The following MGME1 variants were observed in gnomAD, a reference collection of about 807,000 sequenced individuals.
MGME1 encodes the protein mitochondrial genome maintenance exonuclease 1.
In MGME1, 22 loss-of-function variants were observed where a neutral mutation model predicts 33.0. That is an observed-to-expected ratio of 0.67 (90% CI 0.48 to 0.95). MGME1 has a LOEUF of 0.95. Ranked by LOEUF, MGME1 falls within the 40% of genes least tolerant of loss-of-function variation. The pLI, the probability that MGME1 is intolerant of heterozygous loss-of-function variation, is 0.00. For synonymous variants in MGME1, 133 were observed against 144.0 expected (o/e 0.92, Z 0.55); for missense variants, 383 against 397.8 (o/e 0.96, Z 0.32).
At chr20:17,975,933 C>A in intron 3 of MGME1, 30 bp downstream of exon 3, 3 of 1,519,668 alleles carry the variant, frequency 2.0e-6, no homozygotes, top group Non-Finnish European at 2.7e-6. Flanking sequence ...TGAATTAATA[C>A]AGCGTAGGAC....
chr20:17,971,024 C>A (rs755167268), intron 2 of MGME1, among the ~76,000 whole-genome samples: 8 of 152,208 alleles, frequency 5.3e-5, no homozygotes, highest in Non-Finnish European at 1.0e-4. Context: ...ATATAGGGGT[C>A]TTTTGTTAAA....
At chr20:17,977,991 T>C (rs368976209) in intron 3 of MGME1, among the ~76,000 whole-genome samples, 1 of 152,236 alleles carries the variant, frequency 6.6e-6, no homozygotes, top group African/African-American at 2.4e-5. Flanking sequence ...AGTTAAAATT[T>C]AAGTTTAAAA....
At chr20:17,978,144 C>T (rs2035914645) in intron 3 of MGME1, among the ~76,000 whole-genome samples, 1 of 152,080 alleles carries the variant, frequency 6.6e-6, no homozygotes, top group African/African-American at 2.4e-5. Context: ...GGCCAGGAAG[C>T]CGAAAGAGTG....
chr20:17,989,887 A>G lies in MGME1; in HGVS notation c.865-52A>G, dbSNP rs188368331. On this transcript the variant is annotated intron_variant, in intron 4 of 4. Transcript: ENST00000377710. ...CCTGGAGTAAGAAGGAAACGAACCTAAACTCTGGACCTACTGTAGTGAAAC... is the reference window on the plus strand; with the variant it reads ...CCTGGAGTAAGAAGGAAACGAACCTGAACTCTGGACCTACTGTAGTGAAAC... The G allele has an allele frequency of 3.2e-6, 5 of 1,561,044 alleles. No homozygotes were observed. In the East Asian group the frequency reaches 1.1e-4, roughly 35 times the overall value.
At chr20:17,977,878 G>A (rs1163716756) in intron 3 of MGME1, among the ~76,000 whole-genome samples, 1 of 152,116 alleles carries the variant, frequency 6.6e-6, no homozygotes, top group African/African-American at 2.4e-5. Context: ...GAACGCCTCT[G>A]ATACAAAGGT....
chr20:17,971,544 A>T (rs6136239), intron 2 of MGME1, among the ~76,000 whole-genome samples: 40,194 of 152,170 alleles, frequency 0.26, 5,763 homozygotes, highest in East Asian at 0.43. Context: ...AATTACTAAT[A>T]AGAAATGTAT....
intron 4 of MGME1, 147 bp downstream of exon 4, chr20:17,988,445 C>G (rs2036209006): frequency 2.7e-6 from 2 of 751,392 alleles, no homozygotes; most frequent in East Asian, 5.8e-5. Context: ...AGTTCAAGAC[C>G]AGCCTGGCCA....
At position 17,990,228 on chromosome 20, in the gene MGME1, T is replaced by A; in HGVS notation, c.*119T>A. ...GATCTGAGTGCTACACGAACACAAG[T>A]AGAAGTATTAATTTGTTGAAATGTG... On this transcript the variant is annotated 3_prime_UTR_variant, in exon 5 of 5. Coordinates refer to ENST00000377710, the MANE Select transcript of MGME1 (RefSeq NM_052865.4). The A allele has an allele frequency of 1.2e-6, 1 of 836,416 alleles. No individual in the cohort carries two copies. Among genetic ancestry groups the A allele is most frequent in the Non-Finnish European group, 2.0e-6 (1 of 507,036 alleles). 51.8% of individuals were successfully genotyped at this position (836,416 alleles called of 1,614,324 possible).
intron 3 of MGME1, among the ~76,000 whole-genome samples, chr20:17,983,267 T>TG (rs1555791108): frequency 2.1e-5 from 3 of 142,578 alleles, no homozygotes; most frequent in African/African-American, 5.2e-5. Flanking sequence ...TAGTGTTCTA[T>TG]TGTGTGTGTG....
intron 2 of MGME1, among the ~76,000 whole-genome samples, chr20:17,973,686 C>A (rs1046838703): frequency 1.3e-5 from 2 of 151,490 alleles, no homozygotes; most frequent in African/African-American, 4.8e-5. Flanking sequence ...TCCGCCTTTT[C>A]TGTGGGTCTC....
intron 2 of MGME1, among the ~76,000 whole-genome samples, chr20:17,972,016 T>C (rs2035741382): frequency 6.6e-6 from 1 of 152,118 alleles, no homozygotes; most frequent in Admixed American, 6.5e-5. Context: ...AGACTACAGG[T>C]GTGACCCACT....
intron 4 of MGME1, among the ~76,000 whole-genome samples, chr20:17,988,802 A>G (rs2036219379): frequency 2.0e-5 from 3 of 151,166 alleles, no homozygotes; most frequent in South Asian, 4.2e-4. Flanking sequence ...TTCCTTTCCC[A>G]CTTAAAAAAG....
intron 3 of MGME1, among the ~76,000 whole-genome samples, chr20:17,985,886 A>G (rs1388875160): frequency 6.6e-6 from 1 of 152,214 alleles, no homozygotes; most frequent in Non-Finnish European, 1.5e-5. Flanking sequence ...TTGCCTAACC[A>G]TGCATTTCTC....
chr20:17,983,447 A>C (rs568281358), intron 3 of MGME1, among the ~76,000 whole-genome samples: 1 of 152,300 alleles, frequency 6.6e-6, no homozygotes, highest in South Asian at 2.1e-4. Flanking sequence ...CTATATATCC[A>C]AAAGTAGGAT....
intron 3 of MGME1, among the ~76,000 whole-genome samples, chr20:17,981,765 A>G (rs2036028319): frequency 1.3e-5 from 2 of 151,974 alleles, no homozygotes; most frequent in African/African-American, 2.4e-5. Context: ...CCCAGGTTCC[A>G]GCAATTCTGC....
At position 17,983,267 on chromosome 20, in the gene MGME1, T is replaced by TTTGTGTGTGTGTGTGTGTGTG. The variant is rs79417227; in HGVS notation, c.732-4898_732-4897insTGTGTGTGTGTGTGTGTGTGT. On this transcript the variant is annotated intron_variant, in intron 3 of 4. Coordinates refer to ENST00000377710, the MANE Select transcript of MGME1 (RefSeq NM_052865.4). ...TTTTTAAAGGCTATGTAGTGTTCTA[T>TTTGTGTGTGTGTGTGTGTGTG]TGTGTGTGTGTGTGTGTGTGTGTGT... is the stretch of plus-strand genomic sequence containing the variant. Among the ~76,000 whole-genome samples, 646 of 142,662 alleles carry TTTGTGTGTGTGTGTGTGTGTG rather than the reference T, an allele frequency of 4.5e-3. 6 individuals carry two copies. Among genetic ancestry groups the TTTGTGTGTGTGTGTGTGTGTG allele is most frequent in the South Asian group, 9.3e-3 (40 of 4,288 alleles). The allele number at this position is 142,662 out of a possible 152,430, so 93.6% of individuals were successfully genotyped here.
intron 1 of MGME1, among the ~76,000 whole-genome samples, 167 bp downstream of exon 1, chr20:17,969,308 C>G (rs900602552): frequency 6.6e-6 from 1 of 152,250 alleles, no homozygotes; most frequent in Non-Finnish European, 1.5e-5. Context: ...AGCGCCGCCA[C>G]CAGCTCTGAC....
At chr20:17,970,518 A>T (rs1307741927) in intron 2 of MGME1, 148 bp downstream of exon 2, 1 of 731,312 alleles carries the variant, frequency 1.4e-6, no homozygotes, top group African/African-American at 1.8e-5. Context: ...ATAGCACTTT[A>T]TGTGTATTAA....
rs145801798 is a variant in MGME1, at chr20:17,970,261, C to G, written c.402C>G (p.Thr134=). 1 of 1,614,056 alleles carries G rather than the reference C, an allele frequency of 6.2e-7. No homozygotes were observed. Among genetic ancestry groups the G allele is most frequent in the African/African-American group, 1.3e-5 (1 of 74,902 alleles). ...PLQRNVIPSV[T]RVLQQTMTKQ... ...AAAGGAATGTGATACCAAGTGTGACCCGAGTCCTTCAGCAGACCATGACAA... is the reference window on the plus strand; with the variant it reads ...AAAGGAATGTGATACCAAGTGTGACGCGAGTCCTTCAGCAGACCATGACAA... The change falls in exon 2 of 5, where the codon ACC becomes ACG. Residue 134 remains threonine (T), a synonymous_variant. Transcript: ENST00000377710.
Sources: gnomAD v4.1 joint callset for allele counts (sites outside exome capture counted in the v4.1 genomes callset) on GRCh38, gnomAD v4.1.1 for gene constraint, MANE v1.5 for transcripts, NCBI Gene and HGNC (gene_info 2026-07-23, HGNC 2026-07-21) for gene names.